PHF24: variants seen among roughly 807,000 people sequenced by gnomAD.
PHF24 encodes Galpha inhibitory interacting protein.
PHF24 carries 25 observed loss-of-function variants against 42.6 expected under a neutral mutation model. The observed-to-expected ratio is 0.59, with a 90% CI of 0.43 to 0.82. The LOEUF is 0.82. Ranked by LOEUF, PHF24 falls within the 40% of genes least tolerant of loss-of-function variation. The probability of loss-of-function intolerance (pLI) is 0.00; values close to 1 mark genes in which losing one functional copy is unlikely to be tolerated. For missense variants in PHF24, 470 were observed against 538.1 expected, an observed-to-expected ratio of 0.87 and a Z score of 1.25; for synonymous variants, 185 against 204.8, an observed-to-expected ratio of 0.90 and a Z score of 0.83.
At chr9:34,863,996 C>A in the PHF24 span, among the ~76,000 whole-genome samples, 2 of 152,166 alleles carry the variant, frequency 1.3e-5, no homozygotes, top group Admixed American at 1.3e-4. Context: ...TTGAAAAATA[C>A]AGCTGACATA....
At chr9:34,964,442 A>G (rs1374544901) in intron 1 of PHF24, among the ~76,000 whole-genome samples, 1 of 152,244 alleles carries the variant, frequency 6.6e-6, no homozygotes, top group Non-Finnish European at 1.5e-5. Flanking sequence ...TACATTTAAC[A>G]GGCTGCATGA....
At chr9:34,981,735 TC>T (rs1827397731) in exon 8 of PHF24, 4 of 147,876 alleles carry the variant, frequency 2.7e-5, no homozygotes, top group African/African-American at 1.1e-4. Flanking sequence ...ATTCCTATTT[TC>T]TTTTTTTTTT....
the PHF24 span, chr9:34,922,372 A>C: frequency 6.8e-7 from 1 of 1,474,938 alleles, no homozygotes; most frequent in Non-Finnish European, 9.5e-7. Flanking sequence ...TTCTCTGGGG[A>C]ATTCAGAACG....
the PHF24 span, among the ~76,000 whole-genome samples, chr9:34,805,480 T>A: frequency 6.6e-6 from 1 of 152,170 alleles, no homozygotes; most frequent in African/African-American, 2.4e-5. Flanking sequence ...TCTTTTCATG[T>A]GCTTATTGGC....
chr9:34,710,200 C>T, the PHF24 span: 8 of 701,184 alleles, frequency 1.1e-5, no homozygotes, highest in African/African-American at 1.4e-4. Flanking sequence ...TAACTTATCC[C>T]CACTCCTTTT....
At chr9:34,896,717 A>G in the PHF24 span, among the ~76,000 whole-genome samples, 1 of 151,856 alleles carries the variant, frequency 6.6e-6, no homozygotes, top group Non-Finnish European at 1.5e-5. Context: ...CCCGGGATCT[A>G]CCACTCCTTT....
the PHF24 span, among the ~76,000 whole-genome samples, chr9:34,772,271 G>A: frequency 0.55 from 83,666 of 152,022 alleles, 24,284 homozygotes; most frequent in Non-Finnish European, 0.65. Context: ...TAGAGATATC[G>A]AAGGCTTTAA....
the PHF24 span, among the ~76,000 whole-genome samples, chr9:34,822,495 T>G: frequency 5.7e-4 from 87 of 152,236 alleles, no homozygotes; most frequent in Non-Finnish European, 1.0e-3. Flanking sequence ...AATTTCAGAG[T>G]ATCTTCATAC....
At chr9:34,888,003 T>A in the PHF24 span, among the ~76,000 whole-genome samples, 104,670 of 151,506 alleles carry the variant, frequency 0.69, 36,974 homozygotes, top group Non-Finnish European at 0.77. Flanking sequence ...GTTTTTTTTT[T>A]AATTATTATA....
chr9:34,959,420 G>A lies in PHF24; in HGVS notation c.-5+1019G>A, dbSNP rs529110412. On this transcript the variant is annotated intron_variant, in intron 1 of 7. Transcript: ENST00000242315. ...GAGACTCAGAGAGGTTTAGCAATTT[G>A]CCCAAGGTCACAAAGCTGATGAAAA... is the stretch of plus-strand genomic sequence containing the variant. Among the ~76,000 whole-genome samples, 56 of 152,296 alleles carry A rather than the reference G, an allele frequency of 3.7e-4. 2 individuals carry two copies. The highest frequency in any genetic ancestry group is 1.3e-3 in the African/African-American group (53 of 41,556).
the PHF24 span, among the ~76,000 whole-genome samples, chr9:34,860,951 G>A: frequency 6.6e-6 from 1 of 152,136 alleles, no homozygotes; most frequent in Non-Finnish European, 1.5e-5. Flanking sequence ...CTGCCTGGGG[G>A]CATCTTGTAG....
the PHF24 span, chr9:34,723,683 A>C: frequency 6.4e-7 from 1 of 1,551,590 alleles, no homozygotes; most frequent in Non-Finnish European, 8.7e-7. Flanking sequence ...TTGGCCTTGC[A>C]AAGTTTGGCC....
At chr9:34,692,746 C>T in the PHF24 span, among the ~76,000 whole-genome samples, 43 of 151,516 alleles carry the variant, frequency 2.8e-4, no homozygotes, top group East Asian at 7.0e-3. Flanking sequence ...TAGAGGCTGA[C>T]GCACAATAAG....
At chr9:34,916,768 G>A in the PHF24 span, among the ~76,000 whole-genome samples, 1 of 152,128 alleles carries the variant, frequency 6.6e-6, no homozygotes, top group African/African-American at 2.4e-5. Flanking sequence ...AGTTTTTTTG[G>A]AGAAGGTAGA....
the PHF24 span, chr9:34,895,068 T>C: frequency 2.5e-6 from 1 of 398,570 alleles, no homozygotes; most frequent in South Asian, 1.3e-4. Context: ...AGACTTTTGT[T>C]GGACTCTTCG....
chr9:34,675,345 G>A, the PHF24 span, among the ~76,000 whole-genome samples: 1 of 152,200 alleles, frequency 6.6e-6, no homozygotes, highest in East Asian at 1.9e-4. Flanking sequence ...TGGAAGAGGG[G>A]ATCTGGCCTA....
At chr9:34,739,992 T>A in the PHF24 span, among the ~76,000 whole-genome samples, 6 of 151,962 alleles carry the variant, frequency 3.9e-5, no homozygotes, top group Non-Finnish European at 8.8e-5. Flanking sequence ...CCCACCAGAG[T>A]AGCTAGATAC....
At chr9:34,893,219 C>A in the PHF24 span, 1 of 456,604 alleles carries the variant, frequency 2.2e-6, no homozygotes, top group Non-Finnish European at 3.9e-6. Context: ...AAGTGTGGGC[C>A]GGGGTTGGCA....
chr9:34,730,831 T>C, the PHF24 span, among the ~76,000 whole-genome samples: 1 of 152,236 alleles, frequency 6.6e-6, no homozygotes, highest in Non-Finnish European at 1.5e-5. Flanking sequence ...CAGCTCATGC[T>C]GAATCTAGGG....
Sources: allele counts gnomAD v4.1 joint callset (sites outside exome capture counted in the v4.1 genomes callset), GRCh38; gene constraint gnomAD v4.1.1; transcripts MANE v1.5; gene names NCBI Gene and HGNC (gene_info 2026-07-23, HGNC 2026-07-21).